Variants in DIAPH2 observed in about 807,000 individuals in gnomAD.
DIAPH2 encodes diaphanous related formin 2.
Under a neutral mutation model 92.7 loss-of-function variants are expected in DIAPH2, and 35 were observed. The observed-to-expected ratio is 0.38, with a 90% CI of 0.29 to 0.50. The LOEUF (loss-of-function observed/expected upper bound fraction) is 0.50. DIAPH2 is among the 20% of genes least tolerant of loss of function. The pLI is 0.94. For synonymous variants in DIAPH2, 301 were observed against 280.4 expected, an observed-to-expected ratio of 1.07 and a Z score of -0.73; for missense variants, 701 against 819.5, an observed-to-expected ratio of 0.86 and a Z score of 1.77.
intron 24 of DIAPH2, among the ~76,000 whole-genome samples, chrX:97,356,979 CAA>C (rs2069274036): frequency 9.0e-6 from 1 of 111,563 alleles, no homozygotes; most frequent in Non-Finnish European, 1.9e-5. Flanking sequence ...AAAATATTAA[CAA>C]AATCAGTTCA....
chrX:96,938,111 T>G (rs926261880), intron 11 of DIAPH2, among the ~76,000 whole-genome samples: 1 of 110,972 alleles, frequency 9.0e-6, no homozygotes, highest in African/African-American at 3.3e-5. Context: ...CTGGAAGTAA[T>G]ATTCCCCTCC....
chrX:96,783,021 A>G (rs1157303093), intron 4 of DIAPH2, among the ~76,000 whole-genome samples: 2 of 112,271 alleles, frequency 1.8e-5, no homozygotes, highest in South Asian at 7.3e-4. Context: ...ACAAGGGATT[A>G]TTCAGTATTA....
At chrX:97,375,151 G>A (rs757446090) in intron 24 of DIAPH2, among the ~76,000 whole-genome samples, 34 of 111,644 alleles carry the variant, frequency 3.0e-4, no homozygotes, top group African/African-American at 1.0e-3. Context: ...CCAGGCAAGT[G>A]CAACAAAAGT....
chrX:97,381,486 GA>G (rs2069549975), intron 24 of DIAPH2, among the ~76,000 whole-genome samples: 1 of 111,621 alleles, frequency 9.0e-6, no homozygotes, highest in South Asian at 3.7e-4. Context: ...AATATTACAT[GA>G]TTTTTTTTCT....
intron 16 of DIAPH2, among the ~76,000 whole-genome samples, chrX:96,963,623 C>T (rs1164873660): frequency 1.8e-5 from 2 of 111,533 alleles, no homozygotes; most frequent in Non-Finnish European, 3.8e-5. Flanking sequence ...CCTTTTCCCA[C>T]ATTGGGGGAG....
intron 22 of DIAPH2, among the ~76,000 whole-genome samples, chrX:97,225,834 A>G (rs190201177): frequency 6.0e-4 from 67 of 112,258 alleles, no homozygotes; most frequent in African/African-American, 2.2e-3. Context: ...TCAATAGTAC[A>G]CAGACTATCT....
At chrX:97,461,018 A>C (rs1337977104) in intron 26 of DIAPH2, among the ~76,000 whole-genome samples, 1 of 112,206 alleles carries the variant, frequency 8.9e-6, no homozygotes, top group East Asian at 2.8e-4. Flanking sequence ...CTAATTCCAG[A>C]ATGTATGACC....
At chrX:97,359,324 C>CT (rs1175401982) in intron 24 of DIAPH2, among the ~76,000 whole-genome samples, 1 of 110,956 alleles carries the variant, frequency 9.0e-6, no homozygotes, top group Non-Finnish European at 1.9e-5. Flanking sequence ...CTAGGGTGTT[C>CT]TTTTTTAATC....
intron 5 of DIAPH2, among the ~76,000 whole-genome samples, chrX:96,883,310 G>T (rs2065232064): frequency 9.0e-6 from 1 of 111,119 alleles, no homozygotes; most frequent in Non-Finnish European, 1.9e-5. Flanking sequence ...TTATCTTAGA[G>T]TATGATAATC....
At chrX:97,266,583 A>G (rs887565052) in intron 23 of DIAPH2, among the ~76,000 whole-genome samples, 37 of 111,829 alleles carry the variant, frequency 3.3e-4, no homozygotes, top group African/African-American at 1.2e-3. Flanking sequence ...TAACTTCTCC[A>G]CTTATGTAAT....
intron 23 of DIAPH2, among the ~76,000 whole-genome samples, chrX:97,316,858 T>G (rs1048892488): frequency 1.8e-5 from 2 of 111,952 alleles, no homozygotes; most frequent in East Asian, 2.8e-4. Context: ...AACAGTCTCA[T>G]GTAGATGGGG....
At chrX:96,826,599 G>C (rs1292701761) in intron 4 of DIAPH2, among the ~76,000 whole-genome samples, 1 of 111,204 alleles carries the variant, frequency 9.0e-6, no homozygotes, top group Non-Finnish European at 1.9e-5. Context: ...CACCATGTAA[G>C]TTGAATATGT....
intron 13 of DIAPH2, among the ~76,000 whole-genome samples, chrX:96,942,421 T>C (rs1294265225): frequency 9.0e-6 from 1 of 111,328 alleles, no homozygotes; most frequent in Admixed American, 9.5e-5. Flanking sequence ...TACATTATTA[T>C]AGATGAATGC....
At chrX:96,872,544 T>C (rs1198996109) in intron 4 of DIAPH2, among the ~76,000 whole-genome samples, 1 of 102,711 alleles carries the variant, frequency 9.7e-6, no homozygotes, top group East Asian at 3.0e-4. Flanking sequence ...CAGGCTGGAG[T>C]GCAGTGGTGT....
At chrX:97,325,617 G>A (rs1457729195) in intron 23 of DIAPH2, among the ~76,000 whole-genome samples, 5 of 107,781 alleles carry the variant, frequency 4.6e-5, no homozygotes, top group East Asian at 5.7e-4. Flanking sequence ...TCACTCTGTC[G>A]CCCAGGCTGG....
chrX:97,493,146 C>T (rs2070735120), intron 26 of DIAPH2, among the ~76,000 whole-genome samples: 1 of 112,613 alleles, frequency 8.9e-6, no homozygotes, highest in Non-Finnish European at 1.9e-5. Flanking sequence ...TCACTGATTC[C>T]TTCTGCTTAA....
chrX:97,064,239 A>G (rs1569292407), intron 17 of DIAPH2, among the ~76,000 whole-genome samples: 1 of 111,826 alleles, frequency 8.9e-6, no homozygotes, highest in Admixed American at 9.5e-5. Context: ...ATTTGTCTCA[A>G]CTGCTTTTCA....
At chrX:96,816,126 T>A (rs1012491999) in intron 4 of DIAPH2, among the ~76,000 whole-genome samples, 1 of 112,633 alleles carries the variant, frequency 8.9e-6, no homozygotes, top group African/African-American at 3.2e-5. Flanking sequence ...AAGTTAGCTA[T>A]GTTCACTCAT....
intron 20 of DIAPH2, among the ~76,000 whole-genome samples, chrX:97,113,431 T>TA (rs1233719523): frequency 9.0e-6 from 1 of 111,015 alleles, no homozygotes; most frequent in South Asian, 3.8e-4. Context: ...CCTGACCAGA[T>TA]AAAAAAAAGT....
Sources: gnomAD v4.1 joint callset for allele counts (sites outside exome capture counted in the v4.1 genomes callset) on GRCh38, gnomAD v4.1.1 for gene constraint, MANE v1.5 for transcripts, NCBI Gene and HGNC (gene_info 2026-07-23, HGNC 2026-07-21) for gene names.